CRB1: variants seen among roughly 807,000 people sequenced by gnomAD.
CRB1 encodes the protein protein crumbs homolog 1.
CRB1 carries 83 observed loss-of-function variants against 120.0 expected under a neutral mutation model. That is an observed-to-expected ratio of 0.69 (90% CI 0.58 to 0.83). The LOEUF (loss-of-function observed/expected upper bound fraction) is 0.83, where lower values mean the gene tolerates loss of function less well. Among genes scored for constraint, CRB1 ranks in the 40% least tolerant of loss-of-function variants. CRB1 has a pLI of 0.00. For missense variants in CRB1, 1,699 were observed against 1,687.6 expected (o/e 1.01, Z -0.12); for synonymous variants, 625 against 612.5 (o/e 1.02, Z -0.30).
intron 5 of CRB1, among the ~76,000 whole-genome samples, chr1:197,388,134 A>G (rs886786426): frequency 1.3e-5 from 2 of 152,072 alleles, no homozygotes; most frequent in Non-Finnish European, 2.9e-5. Flanking sequence ...ATTTAGGTAG[A>G]ACCTACTACT....
At chr1:197,431,572 G>A (rs1383511520) in intron 8 of CRB1, among the ~76,000 whole-genome samples, 2 of 152,078 alleles carry the variant, frequency 1.3e-5, no homozygotes, top group African/African-American at 2.4e-5. Context: ...ATTTTCACAG[G>A]AAAAATGAAT....
At chr1:197,281,076 A>G (rs1655496215) in intron 1 of CRB1, among the ~76,000 whole-genome samples, 1 of 151,920 alleles carries the variant, frequency 6.6e-6, no homozygotes, top group Non-Finnish European at 1.5e-5. Flanking sequence ...GATGCATGTC[A>G]TTTACAGACT....
In CRB1 at chr1:197,438,840, C is replaced by T. The variant is rs1296377033; in HGVS notation, c.3878+165C>T. 5.4e-6 allele frequency: 4 copies of T among 742,912 alleles called. No homozygotes were observed. In the East Asian group the frequency reaches 1.2e-4, roughly 22 times the overall value. The allele number at this position is 742,912 out of a possible 1,614,324, so 46.0% of individuals were successfully genotyped here. A position where few individuals can be genotyped will look rare whatever the true frequency, so the allele number is the denominator to read the frequency against. On this transcript the variant is annotated intron_variant, in intron 10 of 11. Coordinates refer to ENST00000367400, the MANE Select transcript of CRB1 (RefSeq NM_201253.3). Reference sequence around the variant, plus strand: ...AAACAATAAAAAAGAAGAAAAACTACAGTTTAGGTCAAAGGGGAGAACATT... The same window carrying T: ...AAACAATAAAAAAGAAGAAAAACTATAGTTTAGGTCAAAGGGGAGAACATT...
chr1:197,266,656 C>A (rs1175425464), upstream of CRB1, among the ~76,000 whole-genome samples: 3 of 152,094 alleles, frequency 2.0e-5, no homozygotes, highest in Non-Finnish European at 4.4e-5. Context: ...TATATTCAAA[C>A]CCCATGTATA....
At chr1:197,442,332 C>A in intron 11 of CRB1, 40 bp downstream of exon 11, 2 of 1,613,838 alleles carry the variant, frequency 1.2e-6, no homozygotes, top group Non-Finnish European at 1.7e-6. Flanking sequence ...CTTATTCTGG[C>A]AGAATCTTTT....
At chr1:197,356,562 G>C (rs1660489562) in intron 4 of CRB1, among the ~76,000 whole-genome samples, 1 of 152,114 alleles carries the variant, frequency 6.6e-6, no homozygotes, top group South Asian at 2.1e-4. Flanking sequence ...GTTAAATCCA[G>C]GTTATCCTGA....
At chr1:197,353,663 T>C (rs1318354761) in intron 4 of CRB1, among the ~76,000 whole-genome samples, 1 of 151,876 alleles carries the variant, frequency 6.6e-6, no homozygotes, top group Non-Finnish European at 1.5e-5. Context: ...TAGCCGGGCA[T>C]GGTGGCACAC....
At chr1:197,461,091 G>A (rs1365163485) in intron 11 of CRB1, among the ~76,000 whole-genome samples, 1 of 152,114 alleles carries the variant, frequency 6.6e-6, no homozygotes, top group African/African-American at 2.4e-5. Flanking sequence ...TGAAGTTAAA[G>A]GTTGTGTGTG....
chr1:197,420,329 A>AT (rs1324218687), intron 5 of CRB1, among the ~76,000 whole-genome samples: 5 of 152,138 alleles, frequency 3.3e-5, no homozygotes, highest in African/African-American at 9.7e-5. Flanking sequence ...AATTAGATAT[A>AT]TTTTTTGACT....
At chr1:197,355,064 C>A (rs1301149889) in intron 4 of CRB1, among the ~76,000 whole-genome samples, 2 of 151,616 alleles carry the variant, frequency 1.3e-5, no homozygotes, top group African/African-American at 2.4e-5. Flanking sequence ...TACAGAGTGC[C>A]TATTGTTGCA....
chr1:197,271,101 A>C (rs929728730), intron 1 of CRB1, among the ~76,000 whole-genome samples: 4 of 152,042 alleles, frequency 2.6e-5, no homozygotes, highest in African/African-American at 9.7e-5. Context: ...CAGGAGGCTG[A>C]GGTGGGAGGA....
intron 5 of CRB1, among the ~76,000 whole-genome samples, chr1:197,413,476 T>C (rs1663812130): frequency 6.6e-6 from 1 of 152,188 alleles, no homozygotes; most frequent in Admixed American, 6.6e-5. Context: ...TCTTAACCAC[T>C]ATTCAAAAGG....
intron 11 of CRB1, chr1:197,444,925 A>ACACACT (rs1453826272): frequency 6.6e-6 from 1 of 151,752 alleles, no homozygotes; most frequent in African/African-American, 2.4e-5. Context: ...ACACACACAC[A>ACACACT]CACACACACC....
chr1:197,319,936 C>T (rs998718771), intron 1 of CRB1, among the ~76,000 whole-genome samples: 1 of 152,122 alleles, frequency 6.6e-6, no homozygotes, highest in African/African-American at 2.4e-5. Flanking sequence ...CCCCTTTTAT[C>T]CCACAAAATT....
chr1:197,317,263 C>T (rs1247377399), intron 1 of CRB1, among the ~76,000 whole-genome samples: 1 of 152,040 alleles, frequency 6.6e-6, no homozygotes, highest in African/African-American at 2.4e-5. Context: ...ACTAAAAATA[C>T]AAAAATTAGC....
At chr1:197,426,826 C>T (rs1664606789) in intron 6 of CRB1, among the ~76,000 whole-genome samples, 2 of 152,110 alleles carry the variant, frequency 1.3e-5, no homozygotes, top group African/African-American at 4.8e-5. Context: ...TTCTTGATTT[C>T]TGTTGTCCCA....
At chr1:197,369,231 C>A (rs1363372310) in intron 5 of CRB1, among the ~76,000 whole-genome samples, 1 of 152,112 alleles carries the variant, frequency 6.6e-6, no homozygotes. Context: ...TATTGACCTA[C>A]ACCTGACCTA....
chr1:197,298,571 A>T (rs1656676287), intron 1 of CRB1, among the ~76,000 whole-genome samples: 1 of 152,104 alleles, frequency 6.6e-6, no homozygotes, highest in African/African-American at 2.4e-5. Context: ...CAAAGAATAA[A>T]ACTGGCTAAA....
chr1:197,311,574 T>C (rs1253946659), intron 1 of CRB1, among the ~76,000 whole-genome samples: 3 of 152,228 alleles, frequency 2.0e-5, no homozygotes, highest in Non-Finnish European at 4.4e-5. Flanking sequence ...GATTTATTGA[T>C]GTACAATTGA....
Sources: allele counts gnomAD v4.1 joint callset (sites outside exome capture counted in the v4.1 genomes callset), GRCh38; gene constraint gnomAD v4.1.1; transcripts MANE v1.5; gene names NCBI Gene and HGNC (gene_info 2026-07-23, HGNC 2026-07-21).